Variants in RGS6 observed in about 807,000 individuals in gnomAD.
The protein encoded by RGS6 is regulator of G protein signaling 6.
A neutral mutation model predicts 78.5 loss-of-function variants in RGS6; 30 were observed. The observed-to-expected ratio is 0.38, with a 90% confidence interval of 0.29 to 0.52. The LOEUF (loss-of-function observed/expected upper bound fraction) is 0.52. Ranked by LOEUF, RGS6 falls within the 20% of genes least tolerant of loss-of-function variation. The probability of loss-of-function intolerance (pLI) is 0.85; values close to 1 mark genes in which losing one functional copy is unlikely to be tolerated. For synonymous variants in RGS6, 206 were observed against 206.0 expected, an observed-to-expected ratio of 1.00 and a Z score of 0.00; for missense variants, 495 against 609.7, an observed-to-expected ratio of 0.81 and a Z score of 1.98.
At chr14:72,226,695 TTTA>T (rs1314233143) in intron 2 of RGS6, among the ~76,000 whole-genome samples, 1 of 152,192 alleles carries the variant, frequency 6.6e-6, no homozygotes, top group Non-Finnish European at 1.5e-5. Flanking sequence ...TCTTATACAC[TTTA>T]TTGATTGATT....
chr14:72,363,858 T>A (rs981246116), intron 3 of RGS6, among the ~76,000 whole-genome samples: 41 of 152,202 alleles, frequency 2.7e-4, no homozygotes, highest in African/African-American at 9.9e-4. Flanking sequence ...GATGTGCAGA[T>A]GTGTGAAAGA....
At chr14:72,337,508 G>C (rs1158288497) in intron 2 of RGS6, among the ~76,000 whole-genome samples, 1 of 152,062 alleles carries the variant, frequency 6.6e-6, no homozygotes, top group Non-Finnish European at 1.5e-5. Flanking sequence ...CATTTCTCCT[G>C]ATGACCAGGT....
intron 2 of RGS6, among the ~76,000 whole-genome samples, chr14:72,297,385 G>A (rs2065051874): frequency 7.3e-6 from 1 of 137,446 alleles, no homozygotes; most frequent in Non-Finnish European, 1.5e-5. Flanking sequence ...TAAGAATATT[G>A]AGTTTTCTAA....
At chr14:72,568,470 C>T (rs1011232682), downstream of RGS6, among the ~76,000 whole-genome samples, 6 of 152,186 alleles carry the variant, frequency 3.9e-5, no homozygotes, top group African/African-American at 7.2e-5. Flanking sequence ...CCGCCAACCT[C>T]GAGGCTGTAG....
At chr14:72,070,178 G>A (rs1296009449) in intron 2 of RGS6, among the ~76,000 whole-genome samples, 1 of 152,094 alleles carries the variant, frequency 6.6e-6, no homozygotes, top group African/African-American at 2.4e-5. Context: ...GTGTAAGGGA[G>A]AGAATTTGCT....
At position 72,447,733 on chromosome 14, in the gene RGS6, G is replaced by A. The variant is rs143846097; in HGVS notation, c.185-6795G>A. Among the ~76,000 whole-genome samples, 401 of 152,156 alleles carry A rather than the reference G, an allele frequency of 2.6e-3. 2 individuals are homozygous for A. The highest frequency in any genetic ancestry group is 9.3e-3 in the African/African-American group (387 of 41,502). On this transcript the variant is annotated intron_variant, in intron 3 of 17. Coordinates refer to ENST00000553525, the MANE Select transcript of RGS6 (RefSeq NM_001204424.2). ...TTCTTTATTTTTGAGACGGAGTTTC[G>A]CTCTTGTTTCCCAGGCTGCAGTGCA...
At chr14:72,532,372 TCCC>T (rs2097193276) in intron 15 of RGS6, among the ~76,000 whole-genome samples, 1 of 152,122 alleles carries the variant, frequency 6.6e-6, no homozygotes, top group African/African-American at 2.4e-5. Context: ...AATCAGCCAT[TCCC>T]CCATCTCTTT....
intron 2 of RGS6, among the ~76,000 whole-genome samples, chr14:72,330,601 A>C (rs1226621125): frequency 6.6e-6 from 1 of 152,228 alleles, no homozygotes; most frequent in African/African-American, 2.4e-5. Context: ...AAAGGGCATT[A>C]ACTTTTCATA....
At chr14:71,889,323 C>G in the RGS6 span, among the ~76,000 whole-genome samples, 1 of 152,018 alleles carries the variant, frequency 6.6e-6, no homozygotes, top group African/African-American at 2.4e-5. Context: ...GAGGAAGAAG[C>G]AGTGAATATC....
intron 13 of RGS6, among the ~76,000 whole-genome samples, chr14:72,495,860 A>G (rs2096637898): frequency 6.6e-6 from 1 of 152,136 alleles, no homozygotes; most frequent in African/African-American, 2.4e-5. Flanking sequence ...CCTGTGAGGG[A>G]AGCCACTGTG....
intron 17 of RGS6, chr14:72,540,502 A>G: frequency 6.4e-7 from 1 of 1,562,740 alleles, no homozygotes; most frequent in East Asian, 2.3e-5. Context: ...AAAAAAAAAA[A>G]AAAGCCAAAA....
intron 9 of RGS6, among the ~76,000 whole-genome samples, chr14:72,473,396 A>ATG (rs2096143852): frequency 1.3e-5 from 2 of 152,172 alleles, no homozygotes; most frequent in Admixed American, 6.5e-5. Flanking sequence ...GTGAGCCGAG[A>ATG]GCGCACCACT....
chr14:72,560,292 G>A (rs11621387), intron 17 of RGS6, among the ~76,000 whole-genome samples: 19,472 of 152,226 alleles, frequency 0.13, 1,281 homozygotes, highest in South Asian at 0.26. Flanking sequence ...CCTAAAAGGA[G>A]AGCAAACTTC....
chr14:72,137,237 T>C (rs772103947), intron 2 of RGS6, among the ~76,000 whole-genome samples: 3 of 152,216 alleles, frequency 2.0e-5, no homozygotes, highest in Non-Finnish European at 2.9e-5. Context: ...GCCTTACATA[T>C]ATGATTTTGT....
At chr14:72,106,927 G>T (rs1027987469) in intron 2 of RGS6, among the ~76,000 whole-genome samples, 25 of 151,858 alleles carry the variant, frequency 1.6e-4, no homozygotes, top group African/African-American at 6.0e-4. Flanking sequence ...TGCGTTTTTT[G>T]TTTTTTTCTT....
the RGS6 span, among the ~76,000 whole-genome samples, chr14:71,891,996 C>T: frequency 6.6e-6 from 1 of 152,242 alleles, no homozygotes; most frequent in African/African-American, 2.4e-5. Flanking sequence ...ATATTTCTTA[C>T]AAAGTAGAGA....
chr14:72,252,223 G>A (rs1029273444), intron 2 of RGS6, among the ~76,000 whole-genome samples: 3 of 148,048 alleles, frequency 2.0e-5, no homozygotes, highest in African/African-American at 7.5e-5. Flanking sequence ...GCCATTCTTT[G>A]TCAAATGTAT....
the RGS6 span, among the ~76,000 whole-genome samples, chr14:71,900,717 G>A: frequency 0.52 from 79,609 of 151,912 alleles, 23,961 homozygotes; most frequent in Non-Finnish European, 0.67. Flanking sequence ...GCTGTGTTAG[G>A]CTGTTTTTTT....
chr14:72,428,471 G>A (rs2094509714), intron 3 of RGS6, among the ~76,000 whole-genome samples: 1 of 152,170 alleles, frequency 6.6e-6, no homozygotes. Flanking sequence ...AGCCCTAGCA[G>A]CATTTGTTAT....
Sources: gnomAD v4.1 joint callset for allele counts (sites outside exome capture counted in the v4.1 genomes callset) on GRCh38, gnomAD v4.1.1 for gene constraint, MANE v1.5 for transcripts, NCBI Gene and HGNC (gene_info 2026-07-23, HGNC 2026-07-21) for gene names.